SLF2: variants seen among roughly 807,000 people sequenced by gnomAD.
SLF2 encodes SMC5-SMC6 complex localization factor protein 2.
A neutral mutation model predicts 124.3 loss-of-function variants in SLF2; 68 were observed. The observed-to-expected ratio is 0.55, with a 90% CI of 0.45 to 0.67. SLF2 has a LOEUF of 0.67. SLF2 is among the 30% of genes least tolerant of loss of function. The pLI is 0.00. For synonymous variants in SLF2, 480 were observed against 478.8 expected (o/e 1.00, Z -0.03); for missense variants, 1,246 against 1,373.7 (o/e 0.91, Z 1.47).
In SLF2 at chr10:100,913,076, C is replaced by A. The variant is rs1456419531; in HGVS notation, c.-35C>A. The A allele has an allele frequency of 1.2e-6, 2 of 1,603,988 alleles. No individual in the cohort carries two copies. The highest frequency in any genetic ancestry group is 1.7e-6 in the Non-Finnish European group (2 of 1,175,352). ...GCAACCACGCACCCAACTTCTCCAG[C>A]CACGGCTCATGCCGCCGTCGCCAGC... On this transcript the variant is annotated 5_prime_UTR_variant, in exon 1 of 20. Transcript: ENST00000238961.
chr10:100,928,977 C>A (rs927810238), intron 6 of SLF2, among the ~76,000 whole-genome samples: 1 of 152,132 alleles, frequency 6.6e-6, no homozygotes. Context: ...GATGTTTATT[C>A]TTTGCCATTT....
At chr10:100,918,245 A>T (rs1849458491) in intron 3 of SLF2, 139 bp from the exon 4 acceptor site, 5 of 450,638 alleles carry the variant, frequency 1.1e-5, no homozygotes, top group African/African-American at 2.0e-5. Context: ...ATATTTTATT[A>T]TAGACATTAG....
intron 17 of SLF2, among the ~76,000 whole-genome samples, chr10:100,953,272 G>A (rs1413769891): frequency 9.9e-5 from 15 of 151,236 alleles, no homozygotes; most frequent in Admixed American, 5.3e-4. Context: ...CGCCCACCTC[G>A]GCCTCCCAAA....
At chr10:100,927,718 GT>G (rs893732869) in intron 6 of SLF2, among the ~76,000 whole-genome samples, 1 of 152,104 alleles carries the variant, frequency 6.6e-6, no homozygotes, top group African/African-American at 2.4e-5. Flanking sequence ...ATTAATAAGG[GT>G]TCCAGTTTCT....
Position 100,963,829 on chromosome 10 carries a change from C to G in SLF2, c.*1917C>G, listed in dbSNP as rs1850466217. ...TTTGTATTGCAGTTTCAACAGATAA[C>G]TGTCCATCAAATTTAAAACCACTTT... On this transcript the variant is annotated 3_prime_UTR_variant, in exon 20 of 20. Transcript: ENST00000238961. 6.6e-6 allele frequency: 1 copy of G among 152,222 alleles called. No homozygotes were observed. Among genetic ancestry groups the G allele is most frequent in the Non-Finnish European group, 1.5e-5 (1 of 67,986 alleles). 9.4% of individuals were successfully genotyped at this position (152,222 alleles called of 1,614,324 possible). A position where few individuals can be genotyped will look rare whatever the true frequency, so the allele number is the denominator to read the frequency against.
intron 1 of SLF2, chr10:100,913,812 G>C (rs572471336): frequency 2.0e-6 from 2 of 985,598 alleles, no homozygotes; most frequent in Admixed American, 1.2e-4. Context: ...TAAAGATTTT[G>C]TGGGAGCTAT....
intron 1 of SLF2, among the ~76,000 whole-genome samples, chr10:100,914,937 C>T (rs965023832): frequency 6.6e-6 from 1 of 152,188 alleles, no homozygotes; most frequent in African/African-American, 2.4e-5. Context: ...TAGTCTATAG[C>T]TTATTCTCTT....
rs766853703 is a variant in SLF2, at chr10:100,944,061, G to A, written c.2690G>A (p.Ser897Asn). 1 of 1,612,846 alleles carries A rather than the reference G, an allele frequency of 6.2e-7. No homozygotes were observed. The highest frequency in any genetic ancestry group is 2.2e-5 in the East Asian group (1 of 44,808). Residue 897 changes from serine to asparagine, a missense_variant, in exon 12 of 20, where the codon AGT becomes AAT. By Grantham distance (46) the Ser-to-Asn change is conservative. Transcript: ENST00000238961. ...ETQTTSRGKE[S>N]EDSSYKPIFS... is the part of the protein sequence containing the mutation. ...CAGACAACATCAAGGGGGAAAGAAAGTGAAGATTCATCTTATAAGCCAATT... is the reference window on the plus strand; with the variant it reads ...CAGACAACATCAAGGGGGAAAGAAAATGAAGATTCATCTTATAAGCCAATT...
intron 12 of SLF2, 67 bp from the exon 13 acceptor site, chr10:100,945,263 T>C: frequency 7.7e-7 from 1 of 1,293,462 alleles, no homozygotes; most frequent in Non-Finnish European, 1.0e-6. Flanking sequence ...AAAGAGTTTA[T>C]AATTAAAACT....
At chr10:100,913,535 G>A (rs4917916) in intron 1 of SLF2, 277,764 of 1,244,492 alleles carry the variant, frequency 0.22, 34,576 homozygotes, top group East Asian at 0.57. Context: ...CTTTGCAAGA[G>A]TTTGACCCGG....
chr10:100,913,255 C>T lies in SLF2; in HGVS notation c.140+5C>T. 1 of 1,590,776 alleles carries T rather than the reference C, an allele frequency of 6.3e-7. No homozygotes were observed. Among genetic ancestry groups the T allele is most frequent in the Non-Finnish European group, 8.6e-7 (1 of 1,168,358 alleles). On this transcript the variant is annotated splice_donor_5th_base_variant and intron_variant, in intron 1 of 19. Transcript: ENST00000238961. ...AACAGAGAGTCCTGGGGACAGGTAC[C>T]GTGCAGAGGGCTTGAGAAGGGGCCG...
intron 1 of SLF2, chr10:100,913,466 C>T (rs770478768): frequency 9.9e-6 from 13 of 1,310,014 alleles, no homozygotes; most frequent in Non-Finnish European, 1.2e-5. Context: ...GGTCTAGTGA[C>T]CACCAGCCTG....
intron 3 of SLF2, 36 bp from the exon 4 acceptor site, chr10:100,918,348 C>T: frequency 7.2e-7 from 1 of 1,396,664 alleles, no homozygotes; most frequent in Non-Finnish European, 9.9e-7. Flanking sequence ...TTACTGTCCC[C>T]AACACTTAAT....
chr10:100,926,472 C>T (rs1849617252), intron 6 of SLF2: 4 of 490,424 alleles, frequency 8.2e-6, no homozygotes, highest in African/African-American at 2.0e-5. Context: ...GTCATGGTGC[C>T]ACATACCTAT....
intron 14 of SLF2, 26 bp downstream of exon 14, chr10:100,947,162 T>C (rs925740267): frequency 7.4e-7 from 1 of 1,355,040 alleles, no homozygotes. Context: ...AATTAAACAT[T>C]AAGAAATTTT....
Position 100,912,980 on chromosome 10 carries a change from C to A in SLF2, c.-131C>A, listed in dbSNP as rs1564766756. 4.2e-6 allele frequency: 4 copies of A among 946,118 alleles called. No individual in the cohort carries two copies. The highest frequency in any genetic ancestry group is 4.4e-4 in the Middle Eastern group (2 of 4,556). The allele number at this position is 946,118 out of a possible 1,614,324, so 58.6% of individuals were successfully genotyped here. On this transcript the variant is annotated 5_prime_UTR_variant, in exon 1 of 20. Coordinates refer to ENST00000238961, the MANE Select transcript of SLF2 (RefSeq NM_018121.4). ...CCGGAGTCACTTCCGAAGAGAGAAC[C>A]GCCATGAAGAGAGAAGGGGGTGCCG...
chr10:100,946,982 G>T, intron 13 of SLF2, 57 bp from the exon 14 acceptor site: 1 of 1,291,614 alleles, frequency 7.7e-7, no homozygotes, highest in Non-Finnish European at 1.1e-6. Context: ...TGATCTGTTG[G>T]GTGTTTTATT....
intron 11 of SLF2, among the ~76,000 whole-genome samples, chr10:100,941,079 A>G (rs912972650): frequency 3.3e-5 from 5 of 151,586 alleles, no homozygotes; most frequent in African/African-American, 1.2e-4. Flanking sequence ...GGCTCAAGCA[A>G]TCCTCACACC....
chr10:100,915,849 G>T lies in SLF2; in HGVS notation c.141-150G>T, dbSNP rs556717221. ...ATATTTTCTGTTTTTTTAATGAACA[G>T]TTTAGCAAAGCATTGTTACCATTGT... is the stretch of plus-strand genomic sequence containing the variant. On this transcript the variant is annotated intron_variant, in intron 1 of 19. Coordinates refer to ENST00000238961, the MANE Select transcript of SLF2 (RefSeq NM_018121.4). The T allele has an allele frequency of 6.4e-6, 4 of 627,626 alleles. No homozygotes were observed. In the South Asian group the frequency reaches 8.1e-5, roughly 13 times the overall value. 38.9% of individuals were successfully genotyped at this position (627,626 alleles called of 1,614,324 possible). A position where few individuals can be genotyped will look rare whatever the true frequency, so the allele number is the denominator to read the frequency against.
Sources: allele counts gnomAD v4.1 joint callset (sites outside exome capture counted in the v4.1 genomes callset), GRCh38; gene constraint gnomAD v4.1.1; transcripts MANE v1.5; gene names NCBI Gene and HGNC (gene_info 2026-07-23, HGNC 2026-07-21).